SRGAP2B: variants seen among roughly 807,000 people sequenced by gnomAD.
The protein encoded by SRGAP2B is SLIT-ROBO Rho GTPase-activating protein 2B.
A neutral mutation model predicts 22.2 loss-of-function variants in SRGAP2B; 9 were observed. The observed-to-expected ratio is 0.41, with a 90% CI of 0.24 to 0.71. The LOEUF is 0.71. SRGAP2B is among the 30% of genes least tolerant of loss of function. The pLI is 0.35. For missense variants in SRGAP2B, 114 were observed against 235.8 expected (o/e 0.48, Z 3.38); for synonymous variants, 36 against 87.4 (o/e 0.41, Z 3.28).
intron 5 of SRGAP2B, among the ~76,000 whole-genome samples, chr1:144,912,126 G>T (rs1206497685): frequency 4.2e-5 from 6 of 144,068 alleles, no homozygotes; most frequent in African/African-American, 1.4e-4. Flanking sequence ...ATTTTTTTTT[G>T]TATTTTTAGT....
intron 4 of SRGAP2B, among the ~76,000 whole-genome samples, chr1:144,925,800 GAGAA>G (rs1409182761): frequency 1.7e-5 from 2 of 115,552 alleles, no homozygotes; most frequent in Non-Finnish European, 3.7e-5. Flanking sequence ...AGAAAGGAGA[GAGAA>G]AGAAAGAAAG....
chr1:144,916,037 C>A (rs1332924263), intron 4 of SRGAP2B, among the ~76,000 whole-genome samples: 2 of 148,528 alleles, frequency 1.3e-5, no homozygotes, highest in African/African-American at 5.1e-5. Context: ...CATTTAAGAT[C>A]TTGCTTTTTT....
chr1:145,063,193 G>A (rs1381495543), intron 2 of SRGAP2B, among the ~76,000 whole-genome samples: 2 of 106,672 alleles, frequency 1.9e-5, no homozygotes, highest in African/African-American at 4.0e-5. Context: ...AGGCCTAGAC[G>A]ACTTCTAATT....
chr1:144,957,264 T>C (rs587726009), intron 3 of SRGAP2B, among the ~76,000 whole-genome samples: 1 of 150,770 alleles, frequency 6.6e-6, no homozygotes, highest in South Asian at 2.1e-4. Flanking sequence ...GCACTTGTGA[T>C]TTGTAAACCA....
At chr1:145,080,826 A>C (rs1652858536) in intron 2 of SRGAP2B, among the ~76,000 whole-genome samples, 1 of 149,740 alleles carries the variant, frequency 6.7e-6, no homozygotes, top group Admixed American at 6.6e-5. Context: ...AAGTGCTGGG[A>C]TTACAGGCTT....
chr1:144,929,405 C>A (rs1225281744), intron 4 of SRGAP2B, among the ~76,000 whole-genome samples: 1 of 150,224 alleles, frequency 6.7e-6, no homozygotes, highest in Non-Finnish European at 1.5e-5. Flanking sequence ...AAGACTTACA[C>A]CTATATTTTC....
At chr1:144,943,031 CTTA>C (rs1666177551) in intron 4 of SRGAP2B, among the ~76,000 whole-genome samples, 1 of 131,568 alleles carries the variant, frequency 7.6e-6, no homozygotes, top group African/African-American at 3.0e-5. Context: ...ACTAACATCA[CTTA>C]TTATGCATTC....
At chr1:145,006,459 G>A (rs1409603520) in intron 2 of SRGAP2B, among the ~76,000 whole-genome samples, 1 of 149,024 alleles carries the variant, frequency 6.7e-6, no homozygotes, top group African/African-American at 2.6e-5. Flanking sequence ...TGAAGTGTAC[G>A]CTTTTGCCTC....
rs1232271692 is a variant in SRGAP2B at position 145,083,163 on chromosome 1, C to T, written c.67+9672G>A. 9.0e-5 allele frequency among the ~76,000 whole-genome samples: 13 copies of T among 145,110 alleles called. 2 individuals carry two copies. Among genetic ancestry groups the T allele is most frequent in the Non-Finnish European group, 1.5e-4 (10 of 67,642 alleles). On this transcript the variant is annotated intron_variant, in intron 2 of 9. Transcript: ENST00000612199. ...TGCTGAGGAATCCTGCTTGGGATCC[C>T]GCACAGGGGAGCAGGGAAGGCTTCC...
intron 4 of SRGAP2B, among the ~76,000 whole-genome samples, chr1:144,944,686 T>G (rs587663353): frequency 1.4e-4 from 3 of 21,912 alleles, no homozygotes; most frequent in South Asian, 1.1e-3. Context: ...TTGGTTGTTT[T>G]ATTTATTTAT....
At chr1:144,980,170 C>G in intron 3 of SRGAP2B, among the ~76,000 whole-genome samples, 1 of 148,406 alleles carries the variant, frequency 6.7e-6, no homozygotes, top group East Asian at 2.0e-4. Flanking sequence ...GTTTTAGAGT[C>G]CACACAATAG....
chr1:145,045,319 A>T (rs1375246754), intron 2 of SRGAP2B, among the ~76,000 whole-genome samples: 1 of 144,220 alleles, frequency 6.9e-6, no homozygotes, highest in African/African-American at 2.7e-5. Flanking sequence ...AAAAAGAAAG[A>T]AAGAAAAGAG....
At chr1:145,045,357 T>C (rs1553628458) in intron 2 of SRGAP2B, among the ~76,000 whole-genome samples, 1 of 118,840 alleles carries the variant, frequency 8.4e-6, no homozygotes, top group East Asian at 2.3e-4. Context: ...GTGAAGGAAG[T>C]GAGGGAGGGA....
In SRGAP2B at chr1:144,958,665, G is replaced by GA. The variant is rs1291090450; in HGVS notation, c.261-3065dup. Among the ~76,000 whole-genome samples, 13 of 123,594 alleles carry GA rather than the reference G, an allele frequency of 1.1e-4. No individual in the cohort carries two copies. In the East Asian group the frequency reaches 2.0e-3, roughly 19 times the overall value. 81.1% of individuals were successfully genotyped at this position (123,594 alleles called of 152,430 possible). On this transcript the variant is annotated intron_variant, in intron 3 of 9. Transcript: ENST00000612199. ...AGCAAGACTCCATCTCAAAACAAAA[G>GA]AAAAAAAAGAAAAAAGAACTTGCAA...
chr1:145,015,359 G>A (rs1431237081), intron 2 of SRGAP2B, among the ~76,000 whole-genome samples: 17 of 116,978 alleles, frequency 1.5e-4, no homozygotes, highest in African/African-American at 3.3e-4. Context: ...GATTATGGGC[G>A]TGAGCCACCA....
chr1:144,947,447 A>C (rs374123113), intron 4 of SRGAP2B, among the ~76,000 whole-genome samples: 3,884 of 146,972 alleles, frequency 0.026, 107 homozygotes, highest in Middle Eastern at 0.11. Context: ...TCATTTCCTT[A>C]GTGCCAAAAG....
intron 2 of SRGAP2B, among the ~76,000 whole-genome samples, chr1:144,998,203 C>A (rs587677228): frequency 6.4e-5 from 1 of 15,520 alleles, no homozygotes; most frequent in Middle Eastern, 9.8e-3. Flanking sequence ...CCTGGAACAT[C>A]GCCTTTTCCA....
rs587761173 is a variant in SRGAP2B, at chr1:144,960,008, G to C, written c.261-4407C>G. Among the ~76,000 whole-genome samples, 34 of 25,954 alleles carry C rather than the reference G, an allele frequency of 1.3e-3. 2 individuals carry two copies. Among genetic ancestry groups the C allele is most frequent in the African/African-American group, 5.5e-3 (31 of 5,640 alleles). 17.0% of individuals were successfully genotyped at this position (25,954 alleles called of 152,430 possible). A position where few individuals can be genotyped will look rare whatever the true frequency, so the allele number is the denominator to read the frequency against. On this transcript the variant is annotated intron_variant, in intron 3 of 9. Coordinates refer to ENST00000612199, the Ensembl canonical transcript of SRGAP2B. ...AGCATATTAAGGCTCTGCTAGAGTG[G>C]TTTCCTGCTCCAGAAGCTTTGCAGC...
chr1:144,939,730 T>C (rs1250004095), intron 4 of SRGAP2B, among the ~76,000 whole-genome samples: 3 of 149,342 alleles, frequency 2.0e-5, no homozygotes, highest in African/African-American at 7.6e-5. Flanking sequence ...AGGTAGACTA[T>C]GTGGTTTTCC....
Sources: gnomAD v4.1 joint callset for allele counts (sites outside exome capture counted in the v4.1 genomes callset) on GRCh38, gnomAD v4.1.1 for gene constraint, MANE v1.5 for transcripts, NCBI Gene and HGNC (gene_info 2026-07-23, HGNC 2026-07-21) for gene names.